STARD8: variants seen among roughly 807,000 people sequenced by gnomAD.
The protein encoded by STARD8 is stAR-related lipid transfer protein 8.
Under a neutral mutation model 69.4 loss-of-function variants are expected in STARD8, and 25 were observed. That is an observed-to-expected ratio of 0.36 (90% CI 0.26 to 0.50). The LOEUF (loss-of-function observed/expected upper bound fraction) is 0.50. Ranked by LOEUF, STARD8 falls within the 20% of genes least tolerant of loss-of-function variation. STARD8 has a pLI of 0.96. For synonymous variants in STARD8, 389 were observed against 374.6 expected (o/e 1.04, Z -0.45); for missense variants, 921 against 932.5 (o/e 0.99, Z 0.16).
At chrX:68,714,536 T>C (rs1232653343) in intron 3 of STARD8, among the ~76,000 whole-genome samples, 1 of 112,352 alleles carries the variant, frequency 8.9e-6, no homozygotes, top group African/African-American at 3.2e-5. Context: ...TACACTATCA[T>C]GCTGGCTGAT....
chrX:68,709,101 C>T (rs1037098720), intron 2 of STARD8, among the ~76,000 whole-genome samples: 2 of 112,318 alleles, frequency 1.8e-5, no homozygotes, highest in African/African-American at 6.5e-5. Context: ...GGCCTCCCAG[C>T]CCTCCATGAG....
intron 1 of STARD8, among the ~76,000 whole-genome samples, chrX:68,652,978 A>C (rs1448491096): frequency 9.3e-5 from 5 of 53,984 alleles, no homozygotes; most frequent in African/African-American, 1.5e-4. Flanking sequence ...CACACCACAC[A>C]CCACACACAC....
Position 68,718,040 on chromosome X carries a change from G to A in STARD8, c.1126G>A (p.Glu376Lys). Reference sequence around the variant, plus strand: ...AATGGTTGGGGCTGAGGCTGAAGATGAAGATGATGAGGAGAGTGGGGGCAG... The same window carrying A: ...AATGGTTGGGGCTGAGGCTGAAGATAAAGATGATGAGGAGAGTGGGGGCAG... ...PVMVGAEAED[E>K]DDEESGGSYA... Residue 376 changes from glutamate to lysine, a missense_variant, in exon 6 of 15, where the codon GAA becomes AAA. Glu to Lys is a moderately conservative substitution (Grantham distance 56). Coordinates refer to ENST00000374599, the MANE Select transcript of STARD8 (RefSeq NM_001142503.3). 8.3e-7 allele frequency: 1 copy of A among 1,211,138 alleles called. No homozygotes were observed. The highest frequency in any genetic ancestry group is 1.8e-5 in the South Asian group (1 of 56,786).
intron 1 of STARD8, among the ~76,000 whole-genome samples, chrX:68,661,755 C>T (rs190213044): frequency 8.9e-6 from 1 of 111,869 alleles, no homozygotes; most frequent in Non-Finnish European, 1.9e-5. Flanking sequence ...CTATCATTTA[C>T]TTTGGTTCTA....
intron 1 of STARD8, among the ~76,000 whole-genome samples, chrX:68,653,079 A>C (rs1028491181): frequency 3.1e-3 from 14 of 4,503 alleles, no homozygotes; most frequent in East Asian, 0.021. Context: ...CCACACACAC[A>C]CCACACCACA....
chrX:68,658,683 C>G (rs1569352680), intron 1 of STARD8, among the ~76,000 whole-genome samples: 1 of 112,428 alleles, frequency 8.9e-6, no homozygotes, highest in Non-Finnish European at 1.9e-5. Flanking sequence ...AGCCAGGGCC[C>G]GGCCTGCATT....
intron 2 of STARD8, among the ~76,000 whole-genome samples, chrX:68,696,469 C>T (rs1334561523): frequency 3.6e-5 from 4 of 112,094 alleles, no homozygotes; most frequent in Non-Finnish European, 7.5e-5. Flanking sequence ...TCCTTTTCCC[C>T]AGCCCTGCAG....
At chrX:68,669,499 C>A (rs1240285653) in intron 2 of STARD8, among the ~76,000 whole-genome samples, 1 of 112,455 alleles carries the variant, frequency 8.9e-6, no homozygotes, top group Non-Finnish European at 1.9e-5. Flanking sequence ...GAGGAGGCTG[C>A]TGACCTTCCC....
At chrX:68,664,285 A>G (rs1185107678) in intron 1 of STARD8, among the ~76,000 whole-genome samples, 2 of 111,075 alleles carry the variant, frequency 1.8e-5, no homozygotes, top group Non-Finnish European at 3.8e-5. Context: ...AGCCCAAGCC[A>G]CTGACATTGT....
intron 2 of STARD8, chrX:68,693,733 T>G (rs2079895949): frequency 1.3e-5 from 10 of 753,666 alleles, no homozygotes; most frequent in Non-Finnish European, 1.6e-5. Context: ...AGGCCCCGCG[T>G]GTGTCCCGGA....
chrX:68,721,122 C>T lies in STARD8; in HGVS notation c.2248C>T (p.Leu750Phe), dbSNP rs1270023180. 12 of 1,209,193 alleles carry T rather than the reference C, an allele frequency of 9.9e-6. No individual in the cohort carries two copies. Among genetic ancestry groups the T allele is most frequent in the South Asian group, 5.3e-5 (3 of 56,737 alleles). ...CACCACTTTCCTCCAGATCTACCAG[C>T]GTGAGTCGCCCACTCCTATCCCCAA... ...LTTTFLQIYQ[L>F]LPKDQWLAAA... The change falls in exon 9 of 15, where the codon CTC (leucine) becomes TTC (phenylalanine). Residue 750 changes from leucine to phenylalanine, a missense_variant and splice_region_variant. Coordinates refer to ENST00000374599, the MANE Select transcript of STARD8 (RefSeq NM_001142503.3).
In STARD8 at chrX:68,674,293, CAAAA is replaced by C. The variant is rs60245351; in HGVS notation, c.79+8779_79+8782del. Among the ~76,000 whole-genome samples the C allele has an allele frequency of 2.0e-4, 7 of 35,648 alleles. 1 individual carries two copies. Among genetic ancestry groups the C allele is most frequent in the Admixed American group, 3.7e-4 (1 of 2,716 alleles). 31.0% of individuals were successfully genotyped at this position (35,648 alleles called of 115,157 possible). ...GGGCGACAAGAGCAAAACTCCGTCT[CAAAA>C]AAAAAAAAAAAAAAAAATTCACATG... On this transcript the variant is annotated intron_variant, in intron 2 of 14. Coordinates refer to ENST00000374599, the MANE Select transcript of STARD8 (RefSeq NM_001142503.3).
At chrX:68,673,165 C>T (rs920620471) in intron 2 of STARD8, among the ~76,000 whole-genome samples, 1 of 111,832 alleles carries the variant, frequency 8.9e-6, no homozygotes, top group Admixed American at 9.5e-5. Context: ...GTCCTGCTCC[C>T]TTTAACCTAT....
Position 68,724,387 on chromosome X carries a change from A to G in STARD8, c.3277A>G (p.Thr1093Ala). 2 of 1,205,176 alleles carry G rather than the reference A, an allele frequency of 1.7e-6. No homozygotes were observed. Among genetic ancestry groups the G allele is most frequent in the East Asian group, 6.0e-5 (2 of 33,589 alleles). The change falls in exon 15 of 15, where the codon ACC (threonine) becomes GCC (alanine). Residue 1093 changes from threonine to alanine, a missense_variant. Transcript: ENST00000374599. Reference protein sequence around the residue: ...EVAKIRDSFPTLQAAGPETKL With the variant: ...EVAKIRDSFPALQAAGPETKL ...GGCAAAGATCCGGGACTCCTTCCCC[A>G]CCCTGCAGGCAGCGGGCCCTGAGAC... is the stretch of plus-strand genomic sequence containing the variant.
At chrX:68,648,865 G>C (rs146951089) in intron 1 of STARD8, among the ~76,000 whole-genome samples, 1,944 of 112,130 alleles carry the variant, frequency 0.017, 38 homozygotes, top group African/African-American at 0.06. Flanking sequence ...ACCAGACCTA[G>C]GCACTTTTAA....
intron 2 of STARD8, among the ~76,000 whole-genome samples, chrX:68,691,801 C>G (rs1363626484): frequency 1.8e-5 from 2 of 112,128 alleles, no homozygotes; most frequent in Non-Finnish European, 3.8e-5. Context: ...TGTCTCAGAA[C>G]CCATGATATC....
chrX:68,681,341 T>C (rs1236008477), intron 2 of STARD8, among the ~76,000 whole-genome samples: 1 of 111,134 alleles, frequency 9.0e-6, no homozygotes, highest in Non-Finnish European at 1.9e-5. Flanking sequence ...TGCTCTCAAA[T>C]CCATTATCTT....
At chrX:68,715,507 A>G in intron 4 of STARD8, 132 bp downstream of exon 4, 17 of 528,974 alleles carry the variant, frequency 3.2e-5, no homozygotes, top group Middle Eastern at 5.2e-4. Context: ...TTCTGTGGTC[A>G]CATTGCTCAT....
chrX:68,661,970 C>CTCTCTCTCTTTCTT (rs1556020285), intron 1 of STARD8, among the ~76,000 whole-genome samples: 1 of 56,003 alleles, frequency 1.8e-5, no homozygotes, highest in Non-Finnish European at 3.0e-5. Context: ...CTCTCTCTCT[C>CTCTCTCTCTTTCTT]TCTTTCTTTC....
Sources: gnomAD v4.1 joint callset for allele counts (sites outside exome capture counted in the v4.1 genomes callset) on GRCh38, gnomAD v4.1.1 for gene constraint, MANE v1.5 for transcripts, NCBI Gene and HGNC (gene_info 2026-07-23, HGNC 2026-07-21) for gene names.